NLRC3: variants seen among roughly 807,000 people sequenced by gnomAD.
NLRC3 encodes NLR family CARD domain-containing protein 3.
NLRC3 carries 87 observed loss-of-function variants against 91.6 expected under a neutral mutation model. That is an observed-to-expected ratio of 0.95 (90% CI 0.80 to 1.14). The LOEUF is 1.14. NLRC3 is among the 50% of genes most tolerant of loss of function. NLRC3 has a pLI of 0.00. For synonymous variants in NLRC3, 694 were observed against 625.3 expected (o/e 1.11, Z -1.64); for missense variants, 1,577 against 1,418.6 (o/e 1.11, Z -1.79).
intron 9 of NLRC3, among the ~76,000 whole-genome samples, chr16:3,553,581 T>G (rs2039124748): frequency 6.6e-6 from 1 of 152,206 alleles, no homozygotes; most frequent in Non-Finnish European, 1.5e-5. Context: ...AAAAGTGAGC[T>G]TTCTGTCTTT....
Position 3,563,866 on chromosome 16 carries a change from C to T in NLRC3, c.1071G>A (p.Pro357=), listed in dbSNP as rs146281357. ...ATGAGTAGAGCTCGCACAGGGTCCT[C>T]GGGGGCCACAGCTCTGCATCCTGGG... ...TGPQDAELWP[P]RTLCELYSWY... The change falls in exon 5 of 20, where the codon CCG becomes CCA. Residue 357 remains proline, a synonymous_variant. Coordinates refer to ENST00000359128, the MANE Select transcript of NLRC3 (RefSeq NM_178844.4). The T allele has an allele frequency of 8.6e-4, 1,378 of 1,603,578 alleles. 13 individuals are homozygous for T. The African/African-American group carries it at 0.016, about 19-fold the overall frequency.
Position 3,548,200 on chromosome 16 carries a change from G to T in NLRC3, c.2706C>A (p.Ile902=). 1 of 1,594,152 alleles carries T rather than the reference G, an allele frequency of 6.3e-7. No individual in the cohort carries two copies. Residue 902 remains isoleucine, a synonymous_variant, in exon 15 of 20, where the codon ATC becomes ATA. Transcript: ENST00000359128. ...LTSLHLQWNF[I]QAGAAQALGQ... is the part of the protein sequence containing the mutation. ...CCAGGGCCTGGGCAGCGCCGGCCTG[G>T]ATGAAGTTCCACTGCAGGCTGGGCA... is the stretch of plus-strand genomic sequence containing the variant.
chr16:3,557,136 G>A (rs2039379849), intron 7 of NLRC3, 142 bp from the exon 8 acceptor site: 2 of 633,698 alleles, frequency 3.2e-6, no homozygotes, highest in South Asian at 1.9e-5. Context: ...TGGAACCAGG[G>A]CAGAGATCCT....
At chr16:3,556,353 A>AG (rs1208757084) in intron 8 of NLRC3, among the ~76,000 whole-genome samples, 5 of 130,068 alleles carry the variant, frequency 3.8e-5, no homozygotes, top group Admixed American at 1.7e-4. Context: ...AAAAAAAAAA[A>AG]AGAGACGTAA....
In NLRC3 at chr16:3,564,610, C is replaced by CACCTG. The variant is rs765845111; in HGVS notation, c.322_326dup (p.Glu110ArgfsTer48). 2 of 1,610,582 alleles carry CACCTG rather than the reference C, an allele frequency of 1.2e-6. No homozygotes were observed. Among genetic ancestry groups the CACCTG allele is most frequent in the East Asian group, 4.5e-5 (2 of 44,868 alleles). On this transcript the variant is annotated frameshift_variant, in exon 5 of 20. Coordinates refer to ENST00000359128, the MANE Select transcript of NLRC3 (RefSeq NM_178844.4). LOFTEE classifies it high-confidence loss of function. This position sits in a 1 kb window ranked among gnomAD's most constrained non-coding sequence, Gnocchi z 5.9. The stretch of plus-strand genomic sequence containing the variant: ...GGTGCCCGCCCCCGCGGGTGGCCTC[C>CACCTG]ACCTGTGTGAAGTCGTGTTCCCTCA...
At chr16:3,549,431 C>T (rs888685464) in intron 12 of NLRC3, among the ~76,000 whole-genome samples, 1 of 152,138 alleles carries the variant, frequency 6.6e-6, no homozygotes, top group African/African-American at 2.4e-5. Flanking sequence ...GGACCATCCG[C>T]AGTACAGGGA....
rs756537867 is a variant in NLRC3 at position 3,563,148 on chromosome 16, C to G, written c.1789G>C (p.Gly597Arg). ...MESGALARLT[G>R]PAHRAALAYL... ...GCCAGGGCAGCGCGGTGCGCGGGACCAGTCAGCCTGGCCAGGGCCCCGCTC... is the reference window on the plus strand; with the variant it reads ...GCCAGGGCAGCGCGGTGCGCGGGACGAGTCAGCCTGGCCAGGGCCCCGCTC... The change falls in exon 5 of 20, where the codon GGT (glycine) becomes CGT (arginine). Residue 597 changes from glycine to arginine, a missense_variant. Transcript: ENST00000359128. 4.4e-6 allele frequency: 7 copies of G among 1,589,640 alleles called. No homozygotes were observed. The highest frequency in any genetic ancestry group is 2.6e-6 in the Non-Finnish European group (3 of 1,169,856).
At chr16:3,566,255 G>A (rs2039881167) in intron 2 of NLRC3, among the ~76,000 whole-genome samples, 1 of 152,050 alleles carries the variant, frequency 6.6e-6, no homozygotes, top group Admixed American at 6.6e-5. Context: ...GTGGGGGCAG[G>A]CATGGGGTGT....
intron 1 of NLRC3, among the ~76,000 whole-genome samples, chr16:3,569,009 A>G (rs1244967396): frequency 6.6e-6 from 1 of 152,168 alleles, no homozygotes; most frequent in Non-Finnish European, 1.5e-5. Context: ...AATTTTCTTC[A>G]GGTTTTCAAA....
intron 15 of NLRC3, 75 bp downstream of exon 15, chr16:3,548,060 T>G: frequency 9.9e-7 from 1 of 1,005,606 alleles, no homozygotes; most frequent in Non-Finnish European, 1.5e-6. Context: ...AGCCTCTGCC[T>G]GATGGGTACC....
chr16:3,554,784 T>G (rs754256456), intron 8 of NLRC3, among the ~76,000 whole-genome samples: 1 of 152,174 alleles, frequency 6.6e-6, no homozygotes, highest in African/African-American at 2.4e-5. Context: ...TCAAAAGAAT[T>G]GAAAACAGGC....
In NLRC3 at chr16:3,569,395, T is replaced by TATA. The variant is rs1491362144; in HGVS notation, c.-168-2072_-168-2071insTAT. On this transcript the variant is annotated intron_variant, in intron 1 of 19. Coordinates refer to ENST00000359128, the MANE Select transcript of NLRC3 (RefSeq NM_178844.4). ...CCATATATATATATATATATATATA[T>TATA]TATTTTTTTTTTTTTTTTTTTTTTT... Among the ~76,000 whole-genome samples the TATA allele has an allele frequency of 1.4e-3, 67 of 47,706 alleles. 1 individual carries two copies. Among genetic ancestry groups the TATA allele is most frequent in the African/African-American group, 4.7e-3 (63 of 13,406 alleles). 31.3% of individuals were successfully genotyped at this position (47,706 alleles called of 152,430 possible).
chr16:3,549,085 G>A lies in NLRC3; in HGVS notation c.2603+57C>T, dbSNP rs1596446367. On this transcript the variant is annotated intron_variant, in intron 13 of 19. Coordinates refer to ENST00000359128, the MANE Select transcript of NLRC3 (RefSeq NM_178844.4). Reference sequence around the variant, plus strand: ...GAGGGTGCCCGTCAGCCCAGGCTCGGTGTGGGTGTGGTCATGGCATGAACA... The same window carrying A: ...GAGGGTGCCCGTCAGCCCAGGCTCGATGTGGGTGTGGTCATGGCATGAACA... 27 of 1,321,476 alleles carry A rather than the reference G, an allele frequency of 2.0e-5. No individual in the cohort carries two copies. The East Asian group carries it at 6.5e-4, about 32-fold the overall frequency. 81.9% of individuals were successfully genotyped at this position (1,321,476 alleles called of 1,614,324 possible). A position where few individuals can be genotyped will look rare whatever the true frequency, so the allele number is the denominator to read the frequency against.
chr16:3,555,514 G>A (rs1388210410), intron 8 of NLRC3, among the ~76,000 whole-genome samples: 1 of 152,140 alleles, frequency 6.6e-6, no homozygotes, highest in East Asian at 1.9e-4. Flanking sequence ...CTGGACAGAT[G>A]TGATGGTGGC....
intron 12 of NLRC3, among the ~76,000 whole-genome samples, 184 bp from the exon 13 acceptor site, chr16:3,549,409 G>A (rs1302320045): frequency 6.6e-6 from 1 of 152,152 alleles, no homozygotes; most frequent in African/African-American, 2.4e-5. Context: ...CCAGCCAGGT[G>A]CCCCCACTTT....
chr16:3,563,182 C>G lies in NLRC3; in HGVS notation c.1755G>C (p.Glu585Asp), dbSNP rs773549193. Residue 585 changes from glutamate (E) to aspartate (D), a missense_variant, in exon 5 of 20, where the codon GAG becomes GAC. By Grantham distance (45) the Glu-to-Asp change is conservative. Coordinates refer to ENST00000359128, the MANE Select transcript of NLRC3 (RefSeq NM_178844.4). ...QHTELARSVE[E>D]AMESGALARL... is the part of the protein sequence containing the mutation. ...TGGCCAGGGCCCCGCTCTCCATGGC[C>G]TCCTCCACGCTGCGGGCCAGCTCGG... 8.8e-6 allele frequency: 14 copies of G among 1,593,382 alleles called. No individual in the cohort carries two copies. The highest frequency in any genetic ancestry group is 1.1e-5 in the South Asian group (1 of 88,114).
At chr16:3,566,154 A>C (rs2039876526) in intron 2 of NLRC3, among the ~76,000 whole-genome samples, 1 of 147,728 alleles carries the variant, frequency 6.8e-6, no homozygotes, top group South Asian at 2.2e-4. Flanking sequence ...TACACTATGG[A>C]CATTGGGTGA....
intron 10 of NLRC3, among the ~76,000 whole-genome samples, chr16:3,551,981 T>TCATC (rs56287077): frequency 0.033 from 4,903 of 147,300 alleles, 119 homozygotes; most frequent in Admixed American, 0.047. Flanking sequence ...ATCCCTTCAT[T>TCATC]CATCCATCCA....
Position 3,552,263 on chromosome 16 carries a change from T to G in NLRC3, c.2284A>C (p.Ile762Leu), listed in dbSNP as rs761887242. The change falls in exon 10 of 20, where the codon ATC becomes CTC. Residue 762 changes from isoleucine to leucine, a missense_variant. Transcript: ENST00000359128. The stretch of plus-strand genomic sequence containing the variant: ...ATCCGCTGGGCTCCCATGGGCCCGA[T>G]GCTGTTCTTCTGCAGGCTGTGGGAG... ...LSMLHLQKNS[I>L]GPMGAQRMAD... is the part of the protein sequence containing the mutation. 5 of 1,613,146 alleles carry G rather than the reference T, an allele frequency of 3.1e-6. No individual in the cohort carries two copies. In the South Asian group the frequency reaches 5.5e-5, roughly 18 times the overall value.
Sources: allele counts gnomAD v4.1 joint callset (sites outside exome capture counted in the v4.1 genomes callset), GRCh38; gene constraint gnomAD v4.1.1; non-coding constraint Gnocchi (gnomAD v3.1); transcripts MANE v1.5; gene names NCBI Gene and HGNC (gene_info 2026-07-23, HGNC 2026-07-21).